The following MBD5 variants were observed in gnomAD, a reference collection of about 807,000 sequenced individuals.
The protein encoded by MBD5 is methyl-CpG binding domain protein 5.
MBD5 carries 13 observed loss-of-function variants against 117.3 expected under a neutral mutation model. The ratio of observed to expected loss-of-function variants is 0.11; its 90% CI spans 0.07 to 0.18. MBD5 has a LOEUF of 0.18. Among genes scored for constraint, MBD5 ranks in the 10% least tolerant of loss-of-function variants. The probability of loss-of-function intolerance (pLI) is 1.00; values close to 1 mark genes in which losing one functional copy is unlikely to be tolerated. For missense variants in MBD5, 1,879 were observed against 2,093.8 expected (o/e 0.90, Z 2.00); for synonymous variants, 727 against 766.4 (o/e 0.95, Z 0.85).
intron 3 of MBD5, among the ~76,000 whole-genome samples, chr2:148,260,388 T>C (rs1478208928): frequency 2.0e-5 from 3 of 152,216 alleles, no homozygotes; most frequent in African/African-American, 7.2e-5. Flanking sequence ...TTCAGTCACA[T>C]CTGCAGTCTC....
At chr2:148,187,142 G>C (rs1698680883) in intron 2 of MBD5, among the ~76,000 whole-genome samples, 1 of 152,204 alleles carries the variant, frequency 6.6e-6, no homozygotes, top group South Asian at 2.1e-4. Context: ...AATAGCTTAA[G>C]TACAGGAGTT....
chr2:148,105,953 G>C (rs528941990), intron 1 of MBD5, among the ~76,000 whole-genome samples: 4 of 151,964 alleles, frequency 2.6e-5, no homozygotes, highest in African/African-American at 9.6e-5. Flanking sequence ...TTATATTTTT[G>C]TTAATAAATT....
rs762156724 is a variant in MBD5, at chr2:148,490,462, T to G, written c.4830T>G (p.His1610Gln). 44 of 1,614,152 alleles carry G rather than the reference T, an allele frequency of 2.7e-5. No individual in the cohort carries two copies. The highest frequency in any genetic ancestry group is 3.4e-5 in the Non-Finnish European group (40 of 1,180,042). ...CCCCCTCTTCAAATGAATTGATACATTATAGACCAAGGACGTTCAATGTTG... is the reference window on the plus strand; with the variant it reads ...CCCCCTCTTCAAATGAATTGATACAGTATAGACCAAGGACGTTCAATGTTG... ...PDSPSSNELI[H>Q]YRPRTFNVGD... Residue 1610 changes from histidine to glutamine, a missense_variant, in exon 11 of 14, where the codon CAT (histidine) becomes CAG (glutamine). By Grantham distance (24) the His-to-Gln change is conservative (BLOSUM62 0). Transcript: ENST00000642680.
At chr2:148,380,512 C>T (rs1229055394) in intron 4 of MBD5, among the ~76,000 whole-genome samples, 1 of 152,134 alleles carries the variant, frequency 6.6e-6, no homozygotes, top group Non-Finnish European at 1.5e-5. Context: ...TTGAATAGCT[C>T]ATTAACCAAA....
intron 7 of MBD5, among the ~76,000 whole-genome samples, chr2:148,467,547 T>C (rs1680590761): frequency 6.6e-6 from 1 of 152,198 alleles, no homozygotes; most frequent in Non-Finnish European, 1.5e-5. Context: ...AATTGTCTAA[T>C]GAAAGAATTG....
intron 2 of MBD5, among the ~76,000 whole-genome samples, chr2:148,231,081 T>C (rs1000405521): frequency 1.2e-4 from 18 of 152,100 alleles, no homozygotes; most frequent in African/African-American, 3.9e-4. Flanking sequence ...ACCCCCCTCC[T>C]CCAGTCCACT....
At chr2:148,510,187 GT>G in intron 13 of MBD5, 52 bp downstream of exon 13, 1 of 1,379,012 alleles carries the variant, frequency 7.3e-7, no homozygotes, top group Non-Finnish European at 1.0e-6. Flanking sequence ...AATAAATTGT[GT>G]TACACTTTTT....
At chr2:148,156,887 A>C (rs1240026298) in intron 1 of MBD5, among the ~76,000 whole-genome samples, 1 of 152,202 alleles carries the variant, frequency 6.6e-6, no homozygotes, top group Admixed American at 6.6e-5. Context: ...TATAATTTTC[A>C]TGAGAACAGA....
chr2:148,023,935 G>T (rs1365729645), intron 1 of MBD5, among the ~76,000 whole-genome samples: 2 of 152,074 alleles, frequency 1.3e-5, no homozygotes, highest in Admixed American at 6.5e-5. Flanking sequence ...GTTCAACTGG[G>T]TGGTATCTTG....
chr2:148,064,411 G>GGCCCCCACCAGCTGTCTTT (rs1217603918), intron 1 of MBD5, among the ~76,000 whole-genome samples: 2 of 151,174 alleles, frequency 1.3e-5, no homozygotes, highest in Non-Finnish European at 3.0e-5. Flanking sequence ...CACCGCGCCC[G>GGCCCCCACCAGCTGTCTTT]GCCCCCACCA....
At chr2:148,409,313 A>G (rs1394651572) in intron 4 of MBD5, among the ~76,000 whole-genome samples, 2 of 151,750 alleles carry the variant, frequency 1.3e-5, no homozygotes, top group Admixed American at 1.3e-4. Flanking sequence ...ACTTGAGCCC[A>G]GGAGGTAGAG....
chr2:148,070,180 C>A (rs1002601958), intron 1 of MBD5, among the ~76,000 whole-genome samples: 1 of 152,310 alleles, frequency 6.6e-6, no homozygotes, highest in South Asian at 2.1e-4. Context: ...TTAGCTCCCA[C>A]ATATGACTGA....
At chr2:148,224,136 C>G (rs75056195) in intron 2 of MBD5, among the ~76,000 whole-genome samples, 2,268 of 152,066 alleles carry the variant, frequency 0.015, 63 homozygotes, top group African/African-American at 0.051. Flanking sequence ...GTTTTGTGAC[C>G]TAATGTCTTC....
Position 148,140,119 on chromosome 2 carries a change from T to C in MBD5, c.-924-38581T>C, listed in dbSNP as rs149744606. Among the ~76,000 whole-genome samples the C allele has an allele frequency of 2.7e-3, 409 of 152,358 alleles. 1 individual carries two copies. Among genetic ancestry groups the C allele is most frequent in the African/African-American group, 9.0e-3 (374 of 41,590 alleles). ...TTAAAGGATTTCTCTATATTTGAAA[T>C]ATTGGTAATGTCCTAGAACACAGAT... On this transcript the variant is annotated intron_variant, in intron 1 of 13. Transcript: ENST00000642680.
chr2:148,115,356 G>A (rs1415979034), intron 1 of MBD5, among the ~76,000 whole-genome samples: 12 of 152,176 alleles, frequency 7.9e-5, no homozygotes, highest in East Asian at 3.9e-4. Context: ...CCCAGCCTTC[G>A]CCACTGACAT....
At chr2:148,359,613 T>C (rs1367382949) in intron 4 of MBD5, among the ~76,000 whole-genome samples, 1 of 152,182 alleles carries the variant, frequency 6.6e-6, no homozygotes, top group East Asian at 1.9e-4. Flanking sequence ...GTGTACTCGA[T>C]TGAAAGATCC....
At chr2:148,040,883 C>G (rs1489082273) in intron 1 of MBD5, among the ~76,000 whole-genome samples, 1 of 152,102 alleles carries the variant, frequency 6.6e-6, no homozygotes. Flanking sequence ...TTTAAAGCCC[C>G]TCACGTGATG....
At chr2:148,094,068 T>C (rs889510932) in intron 1 of MBD5, among the ~76,000 whole-genome samples, 1 of 152,196 alleles carries the variant, frequency 6.6e-6, no homozygotes, top group Non-Finnish European at 1.5e-5. Flanking sequence ...GATCACATGG[T>C]TATAAGTGGC....
At chr2:148,468,206 GC>G in intron 7 of MBD5, 134 bp from the exon 8 acceptor site, 1 of 699,374 alleles carries the variant, frequency 1.4e-6, no homozygotes, top group Non-Finnish European at 2.5e-6. Context: ...TAGAATCACA[GC>G]TTTTATTTAC....
Sources: allele counts gnomAD v4.1 joint callset (sites outside exome capture counted in the v4.1 genomes callset), GRCh38; gene constraint gnomAD v4.1.1; transcripts MANE v1.5; gene names NCBI Gene and HGNC (gene_info 2026-07-23, HGNC 2026-07-21).